Variants in RAB38 observed in about 807,000 individuals in gnomAD.
RAB38 encodes ras-related protein Rab-38.
Under a neutral mutation model 18.4 loss-of-function variants are expected in RAB38, and 15 were observed. That is an observed-to-expected ratio of 0.82 (90% CI 0.55 to 1.26). RAB38 has a LOEUF of 1.26. Ranked by LOEUF, RAB38 falls within the 50% of genes most tolerant of loss-of-function variation. The pLI is 0.00. For synonymous variants in RAB38, 101 were observed against 104.4 expected, an observed-to-expected ratio of 0.97 and a Z score of 0.20; for missense variants, 294 against 267.4, an observed-to-expected ratio of 1.10 and a Z score of -0.69.
the RAB38 span, among the ~76,000 whole-genome samples, chr11:87,878,971 ATTT>A: frequency 0.21 from 28,236 of 133,660 alleles, 2,971 homozygotes; most frequent in African/African-American, 0.31. Context: ...GCAATTACTG[ATTT>A]TTTTTTTTTT....
the RAB38 span, among the ~76,000 whole-genome samples, chr11:87,941,967 T>C: frequency 2.6e-4 from 40 of 152,270 alleles, no homozygotes; most frequent in South Asian, 1.0e-3. Context: ...TCTCTCTTGC[T>C]CCTTGTCTGG....
the RAB38 span, among the ~76,000 whole-genome samples, chr11:87,836,314 G>T: frequency 1.3e-5 from 2 of 152,068 alleles, no homozygotes; most frequent in African/African-American, 2.4e-5. Context: ...TCTTTAATCT[G>T]TCCTTTCTCT....
chr11:88,071,239 G>T, the RAB38 span, among the ~76,000 whole-genome samples: 164 of 104,276 alleles, frequency 1.6e-3, 5 homozygotes, highest in South Asian at 0.057. Context: ...ATCCACTGGG[G>T]GAGGACACAC....
At chr11:87,836,423 G>A in the RAB38 span, among the ~76,000 whole-genome samples, 8 of 151,622 alleles carry the variant, frequency 5.3e-5, no homozygotes, top group East Asian at 1.9e-4. Context: ...CACCTTCCCC[G>A]TTCAATTAAT....
At chr11:88,084,950 G>T in the RAB38 span, among the ~76,000 whole-genome samples, 12 of 151,968 alleles carry the variant, frequency 7.9e-5, no homozygotes, top group African/African-American at 2.7e-4. Flanking sequence ...CAGAATTAAG[G>T]TGTGAAGAAA....
the RAB38 span, among the ~76,000 whole-genome samples, chr11:87,959,632 T>C: frequency 6.6e-6 from 1 of 152,198 alleles, no homozygotes; most frequent in Admixed American, 6.6e-5. Context: ...CCACCAGTTA[T>C]AGCCAAATAT....
At chr11:88,149,291 G>A (rs1205216183) in intron 2 of RAB38, among the ~76,000 whole-genome samples, 6 of 152,174 alleles carry the variant, frequency 3.9e-5, no homozygotes, top group Non-Finnish European at 8.8e-5. Context: ...TATTGATTGT[G>A]TAAATTAACT....
chr11:88,166,205 G>C (rs1943241673), intron 1 of RAB38: 8 of 152,056 alleles, frequency 5.3e-5, no homozygotes, highest in Admixed American at 3.9e-4. Context: ...ATCATGGAGG[G>C]AGGGAGAAAA....
At chr11:88,005,464 G>A in the RAB38 span, among the ~76,000 whole-genome samples, 4 of 150,948 alleles carry the variant, frequency 2.6e-5, no homozygotes, top group Non-Finnish European at 4.5e-5. Flanking sequence ...TCACTCCTAC[G>A]TCAAACTACA....
At chr11:87,930,448 G>A in the RAB38 span, among the ~76,000 whole-genome samples, 2 of 152,098 alleles carry the variant, frequency 1.3e-5, no homozygotes, top group Admixed American at 6.6e-5. Flanking sequence ...TGAGTTCATT[G>A]TAGATTCTGG....
At chr11:88,039,652 A>G in the RAB38 span, among the ~76,000 whole-genome samples, 2 of 152,220 alleles carry the variant, frequency 1.3e-5, no homozygotes, top group African/African-American at 4.8e-5. Context: ...GAGTCTACCA[A>G]GAGGGGAAGG....
chr11:88,056,840 C>A, the RAB38 span, among the ~76,000 whole-genome samples: 2,597 of 38,410 alleles, frequency 0.068, 63 homozygotes, highest in Middle Eastern at 0.12. Flanking sequence ...TAAATACATA[C>A]ATACATACAT....
At chr11:87,943,071 CAAATA>C in the RAB38 span, among the ~76,000 whole-genome samples, 1 of 151,986 alleles carries the variant, frequency 6.6e-6, no homozygotes, top group Admixed American at 6.6e-5. Flanking sequence ...GTGAAAAAGT[CAAATA>C]GGTTCAAGAA....
At chr11:87,808,737 T>G in the RAB38 span, among the ~76,000 whole-genome samples, 1 of 152,174 alleles carries the variant, frequency 6.6e-6, no homozygotes, top group Non-Finnish European at 1.5e-5. Flanking sequence ...TATATTTCAG[T>G]AAACTGTATA....
chr11:88,012,288 T>G, the RAB38 span, among the ~76,000 whole-genome samples: 15 of 152,078 alleles, frequency 9.9e-5, no homozygotes, highest in Non-Finnish European at 2.2e-4. Context: ...GTTCAGATAC[T>G]TGGAAGGACA....
At chr11:87,805,547 G>T in the RAB38 span, among the ~76,000 whole-genome samples, 1 of 151,178 alleles carries the variant, frequency 6.6e-6, no homozygotes, top group Non-Finnish European at 1.5e-5. Context: ...AGAACCATAG[G>T]ATAGAGGGAG....
At chr11:87,976,615 C>CATAATATATATAATTTTAA in the RAB38 span, among the ~76,000 whole-genome samples, 1 of 100,848 alleles carries the variant, frequency 9.9e-6, no homozygotes, top group African/African-American at 3.9e-5. Context: ...ACATATTTTA[C>CATAATATATATAATTTTAA]ATGATATATA....
At chr11:87,864,817 G>C in the RAB38 span, among the ~76,000 whole-genome samples, 2 of 151,738 alleles carry the variant, frequency 1.3e-5, no homozygotes, top group Non-Finnish European at 3.0e-5. Context: ...ATGGTGGTAA[G>C]AGAAAAATAG....
the RAB38 span, among the ~76,000 whole-genome samples, chr11:87,929,970 G>C: frequency 6.6e-6 from 1 of 152,088 alleles, no homozygotes; most frequent in Non-Finnish European, 1.5e-5. Flanking sequence ...ATCATTGTTG[G>C]ACATTTGGCT....
Sources: allele counts gnomAD v4.1 joint callset (sites outside exome capture counted in the v4.1 genomes callset), GRCh38; gene constraint gnomAD v4.1.1; transcripts MANE v1.5; gene names NCBI Gene and HGNC (gene_info 2026-07-23, HGNC 2026-07-21).